The following TBC1D9 variants were observed in gnomAD, a reference collection of about 807,000 sequenced individuals.
TBC1D9 encodes TBC1 domain family member 9, also known as TBC1 domain family member 9A.
TBC1D9 carries 63 observed loss-of-function variants against 132.0 expected under a neutral mutation model. The observed-to-expected ratio is 0.48, with a 90% confidence interval of 0.39 to 0.59. TBC1D9 has a LOEUF of 0.59. TBC1D9 is among the 20% of genes least tolerant of loss of function. TBC1D9 has a pLI of 0.00. For synonymous variants in TBC1D9, 610 were observed against 609.9 expected, an observed-to-expected ratio of 1.00 and a Z score of 0.00; for missense variants, 1,261 against 1,592.7, an observed-to-expected ratio of 0.79 and a Z score of 3.54.
intron 1 of TBC1D9, among the ~76,000 whole-genome samples, chr4:140,729,160 A>C (rs1738547413): frequency 6.6e-6 from 1 of 152,166 alleles, no homozygotes; most frequent in Non-Finnish European, 1.5e-5. Flanking sequence ...CCCTCTCTGA[A>C]GGTTGACATT....
rs1459996979 is a variant in TBC1D9, at chr4:140,715,535, GC to G, written c.131-13922del. Among the ~76,000 whole-genome samples, 3 of 152,272 alleles carry G rather than the reference GC, an allele frequency of 2.0e-5. No individual in the cohort carries two copies. In the East Asian group the frequency reaches 5.8e-4, roughly 29 times the overall value. On this transcript the variant is annotated intron_variant, in intron 1 of 20. Coordinates refer to ENST00000442267, the MANE Select transcript of TBC1D9 (RefSeq NM_015130.3). The stretch of plus-strand genomic sequence containing the variant: ...AACCCCTTTGGCTCCATCTGGATAG[GC>G]TCTTTGAGTAAATGTTCCCTTCCAC...
chr4:140,679,908 A>G lies in TBC1D9; in HGVS notation c.361-65T>C, dbSNP rs2111018783. 3 of 1,343,538 alleles carry G rather than the reference A, an allele frequency of 2.2e-6. No individual in the cohort carries two copies. In the South Asian group the frequency reaches 4.6e-5, roughly 20 times the overall value. The allele number at this position is 1,343,538 out of a possible 1,614,324, so 83.2% of individuals were successfully genotyped here. A position where few individuals can be genotyped will look rare whatever the true frequency, so the allele number is the denominator to read the frequency against. ...ATATGACTAGAGATGTACATATTCC[A>G]GAAGAAAAAATTTCTAAGGCTAGAA... On this transcript the variant is annotated intron_variant, in intron 3 of 20. Coordinates refer to ENST00000442267, the MANE Select transcript of TBC1D9 (RefSeq NM_015130.3).
At chr4:140,746,345 C>T (rs1364558728) in intron 1 of TBC1D9, among the ~76,000 whole-genome samples, 1 of 152,132 alleles carries the variant, frequency 6.6e-6, no homozygotes, top group Non-Finnish European at 1.5e-5. Flanking sequence ...TTCTAATTCA[C>T]CTGAGATCCA....
At chr4:140,741,918 CAT>C (rs549013189) in intron 1 of TBC1D9, among the ~76,000 whole-genome samples, 60 of 152,328 alleles carry the variant, frequency 3.9e-4, no homozygotes, top group African/African-American at 1.3e-3. Flanking sequence ...TTTGAATCCA[CAT>C]ATGACCTGGA....
intron 1 of TBC1D9, among the ~76,000 whole-genome samples, chr4:140,725,157 C>T (rs747900152): frequency 6.6e-6 from 1 of 151,982 alleles, no homozygotes; most frequent in Non-Finnish European, 1.5e-5. Flanking sequence ...ATAGAATAAA[C>T]GTCCATTAAC....
chr4:140,726,554 A>G (rs943885342), intron 1 of TBC1D9, among the ~76,000 whole-genome samples: 3 of 152,200 alleles, frequency 2.0e-5, no homozygotes, highest in Non-Finnish European at 4.4e-5. Flanking sequence ...AATACACACA[A>G]ACATAAAACC....
At chr4:140,734,952 C>T (rs1047943395) in intron 1 of TBC1D9, among the ~76,000 whole-genome samples, 4 of 152,152 alleles carry the variant, frequency 2.6e-5, no homozygotes, top group African/African-American at 7.2e-5. Flanking sequence ...GAACTACATT[C>T]GCATATTTAG....
intron 15 of TBC1D9, among the ~76,000 whole-genome samples, chr4:140,637,852 T>C (rs2110974933): frequency 6.6e-6 from 1 of 152,346 alleles, no homozygotes; most frequent in South Asian, 2.1e-4. Context: ...GCCTCCATCT[T>C]TCTGGGCTTC....
intron 1 of TBC1D9, among the ~76,000 whole-genome samples, chr4:140,744,024 G>A (rs1295746416): frequency 1.3e-5 from 2 of 151,996 alleles, no homozygotes; most frequent in East Asian, 3.9e-4. Context: ...TCATTCCCAC[G>A]GTTTCTTTGT....
chr4:140,720,107 A>G (rs952919513), intron 1 of TBC1D9, among the ~76,000 whole-genome samples: 1 of 152,204 alleles, frequency 6.6e-6, no homozygotes, highest in Non-Finnish European at 1.5e-5. Flanking sequence ...GTGTTCAATA[A>G]ATAGTACCGA....
intron 18 of TBC1D9, among the ~76,000 whole-genome samples, chr4:140,625,414 T>C (rs949173736): frequency 4.6e-5 from 7 of 152,220 alleles, no homozygotes; most frequent in African/African-American, 1.7e-4. Context: ...GACTTCAAAA[T>C]AGAGAGGTGT....
Position 140,657,809 on chromosome 4 carries a change from G to A in TBC1D9, c.1925C>T (p.Ala642Val). The A allele has an allele frequency of 6.2e-7, 1 of 1,610,194 alleles. No individual in the cohort carries two copies. The highest frequency in any genetic ancestry group is 8.5e-7 in the Non-Finnish European group (1 of 1,178,048). Residue 642 changes from alanine (A) to valine (V), a missense_variant, in exon 12 of 21, where the codon GCA (alanine) becomes GTA (valine). By Grantham distance (64) the Ala-to-Val change is moderately conservative (BLOSUM62 0). Transcript: ENST00000442267. Reference sequence around the variant, plus strand: ...CTCAAAGACACCTTGGTCCACCAGTGCACCTGTGGCAGCGATGTATACAAA... The same window carrying A: ...CTCAAAGACACCTTGGTCCACCAGTACACCTGTGGCAGCGATGTATACAAA... ...PDYYNTRVVG[A>V]LVDQGVFEEL... is the part of the protein sequence containing the mutation.
At chr4:140,671,139 G>A (rs111277763) in intron 6 of TBC1D9, among the ~76,000 whole-genome samples, 94 of 152,262 alleles carry the variant, frequency 6.2e-4, no homozygotes, top group African/African-American at 2.1e-3. Context: ...AACTGGAACC[G>A]TCTTGCTGGT....
At chr4:140,728,401 TA>T (rs35141147) in intron 1 of TBC1D9, among the ~76,000 whole-genome samples, 63,941 of 142,860 alleles carry the variant, frequency 0.45, 15,466 homozygotes, top group African/African-American at 0.67. Flanking sequence ...CTTTAAATGG[TA>T]AAAAAAAAAA....
Position 140,639,369 on chromosome 4 carries a change from T to C in TBC1D9, c.2397A>G (p.Lys799=), listed in dbSNP as rs1736927326. 6.2e-7 allele frequency: 1 copy of C among 1,613,216 alleles called. No homozygotes were observed. Among genetic ancestry groups the C allele is most frequent in the Non-Finnish European group, 8.5e-7 (1 of 1,179,588 alleles). ...IEQMRFKQRL[K]VIQTLEDTTK... ...TAGTATCCTCCAGCGTCTGGATCAC[T>C]TTCAGTCTCTGTTTGAATCTCATCT... is the stretch of plus-strand genomic sequence containing the variant. Residue 799 remains lysine (K), a synonymous_variant, in exon 14 of 21, where the codon AAA becomes AAG. Transcript: ENST00000442267.
intron 1 of TBC1D9, among the ~76,000 whole-genome samples, chr4:140,748,786 C>G (rs888634623): frequency 1.3e-5 from 2 of 152,052 alleles, no homozygotes; most frequent in African/African-American, 4.8e-5. Context: ...AGCAGGTCCT[C>G]GCTAAAGGAA....
Position 140,639,080 on chromosome 4 carries a change from A to G in TBC1D9, c.2505+6T>C. 1 of 1,582,760 alleles carries G rather than the reference A, an allele frequency of 6.3e-7. No homozygotes were observed. Among genetic ancestry groups the G allele is most frequent in the Non-Finnish European group, 8.6e-7 (1 of 1,162,716 alleles). ...TGAATGGGCATGAATTTACCTTGCA[A>G]CTCACCTTGAAAAGAGCATAAAGTT... On this transcript the variant is annotated splice_donor_region_variant and intron_variant, in intron 15 of 20. Coordinates refer to ENST00000442267, the MANE Select transcript of TBC1D9 (RefSeq NM_015130.3).
chr4:140,659,315 T>C (rs1737322718), intron 11 of TBC1D9: 1 of 262,386 alleles, frequency 3.8e-6, no homozygotes, highest in Non-Finnish European at 7.2e-6. Context: ...ATACCTGGTG[T>C]AGCTCTCACA....
At chr4:140,676,128 T>C (rs1291573861) in intron 6 of TBC1D9, among the ~76,000 whole-genome samples, 1 of 152,202 alleles carries the variant, frequency 6.6e-6, no homozygotes, top group Non-Finnish European at 1.5e-5. Flanking sequence ...GTTCCAATTA[T>C]CCAAGCCTAA....
Sources: gnomAD v4.1 joint callset for allele counts (sites outside exome capture counted in the v4.1 genomes callset) on GRCh38, gnomAD v4.1.1 for gene constraint, MANE v1.5 for transcripts, NCBI Gene and HGNC (gene_info 2026-07-23, HGNC 2026-07-21) for gene names.